The following PHYHIPL variants were observed in gnomAD, a reference collection of about 807,000 sequenced individuals.
PHYHIPL encodes phytanoyl-CoA hydroxylase-interacting protein-like.
In PHYHIPL, 9 loss-of-function variants were observed where a neutral mutation model predicts 33.4. The ratio of observed to expected loss-of-function variants is 0.27; its 90% CI spans 0.16 to 0.47. The LOEUF is 0.47. Among genes scored for constraint, PHYHIPL ranks in the 20% least tolerant of loss-of-function variants. The pLI, the probability that PHYHIPL is intolerant of heterozygous loss-of-function variation, is 0.99. For synonymous variants in PHYHIPL, 153 were observed against 154.1 expected (o/e 0.99, Z 0.05); for missense variants, 365 against 460.7 (o/e 0.79, Z 1.90).
chr10:59,234,478 A>C lies in PHYHIPL; in HGVS notation c.281A>C (p.Asn94Thr), dbSNP rs765372873. The C allele has an allele frequency of 6.4e-7, 1 of 1,551,468 alleles. No homozygotes were observed. Among genetic ancestry groups the C allele is most frequent in the Non-Finnish European group, 8.6e-7 (1 of 1,157,450 alleles). ...GACCTCAACAAGAAAGAGAACAAGA[A>C]CTCCAATAAATTTAAACACAAGGTA... ...FIDLNKKENK[N>T]SNKFKHKDVP... Residue 94 changes from asparagine to threonine, a missense_variant, in exon 2 of 5, where the codon AAC becomes ACC. Coordinates refer to ENST00000373880, the MANE Select transcript of PHYHIPL (RefSeq NM_032439.4).
chr10:59,175,845 T>C (rs1244564755), upstream of PHYHIPL, among the ~76,000 whole-genome samples: 3 of 152,206 alleles, frequency 2.0e-5, no homozygotes, highest in African/African-American at 4.8e-5. Context: ...AGGGTGAGCA[T>C]TGAATACTTA....
chr10:59,175,128 A>C (rs966788109), upstream of PHYHIPL, among the ~76,000 whole-genome samples: 1 of 152,222 alleles, frequency 6.6e-6, no homozygotes, highest in Non-Finnish European at 1.5e-5. Flanking sequence ...AAAATTCACC[A>C]GTAAGTACTT....
At chr10:59,210,186 A>G (rs1312294096) in intron 1 of PHYHIPL, among the ~76,000 whole-genome samples, 1 of 152,218 alleles carries the variant, frequency 6.6e-6, no homozygotes, top group Non-Finnish European at 1.5e-5. Flanking sequence ...TCCATCTGAC[A>G]AAGGGCTAAT....
At chr10:59,194,586 A>G (rs1402561652) in intron 1 of PHYHIPL, among the ~76,000 whole-genome samples, 1 of 152,212 alleles carries the variant, frequency 6.6e-6, no homozygotes, top group Non-Finnish European at 1.5e-5. Flanking sequence ...CTTAGAAAAC[A>G]CATTAATCAG....
intron 1 of PHYHIPL, among the ~76,000 whole-genome samples, chr10:59,227,907 G>A (rs1314986187): frequency 1.3e-5 from 2 of 150,668 alleles, no homozygotes; most frequent in African/African-American, 4.9e-5. Context: ...TGTAAAATGG[G>A]AGGTTTAGGT....
intron 1 of PHYHIPL, among the ~76,000 whole-genome samples, chr10:59,213,952 C>T (rs193165405): frequency 6.6e-6 from 1 of 152,216 alleles, no homozygotes; most frequent in East Asian, 1.9e-4. Context: ...CTCATTGACC[C>T]TTCTGCCACT....
chr10:59,212,762 C>T lies in PHYHIPL; in HGVS notation c.107-21542C>T, dbSNP rs570642743. 2.4e-4 allele frequency among the ~76,000 whole-genome samples: 36 copies of T among 152,216 alleles called. No homozygotes were observed. In the East Asian group the frequency reaches 6.6e-3, roughly 28 times the overall value. ...TAAATGTAATTTGTCTAAAGTTTTT[C>T]ATTTATCATTTCCATACAGGTAAAA... is the stretch of plus-strand genomic sequence containing the variant. On this transcript the variant is annotated intron_variant, in intron 1 of 4. Coordinates refer to ENST00000373880, the MANE Select transcript of PHYHIPL (RefSeq NM_032439.4).
chr10:59,205,435 T>G (rs1158143695), intron 1 of PHYHIPL, among the ~76,000 whole-genome samples: 2 of 152,314 alleles, frequency 1.3e-5, no homozygotes, highest in East Asian at 3.9e-4. Flanking sequence ...ATTTCCTAAT[T>G]GTTCACATTA....
At chr10:59,174,415 C>G (rs1166787212), upstream of PHYHIPL, among the ~76,000 whole-genome samples, 1 of 152,076 alleles carries the variant, frequency 6.6e-6, no homozygotes, top group Non-Finnish European at 1.5e-5. Flanking sequence ...CCAGGCCTAG[C>G]CTTGATATGT....
chr10:59,203,789 G>T (rs1268035816), intron 1 of PHYHIPL, among the ~76,000 whole-genome samples: 1 of 130,310 alleles, frequency 7.7e-6, no homozygotes, highest in African/African-American at 2.8e-5. Context: ...AGGGAGGAGG[G>T]ATAGCATTGG....
At chr10:59,229,550 T>A (rs1212223615) in intron 1 of PHYHIPL, among the ~76,000 whole-genome samples, 1 of 152,162 alleles carries the variant, frequency 6.6e-6, no homozygotes, top group Non-Finnish European at 1.5e-5. Flanking sequence ...AAGAAAAACC[T>A]CAGCCAAATT....
chr10:59,208,442 G>A (rs1306841332), intron 1 of PHYHIPL, among the ~76,000 whole-genome samples: 2 of 152,098 alleles, frequency 1.3e-5, no homozygotes, highest in African/African-American at 4.8e-5. Flanking sequence ...AAGGACCAAA[G>A]GTAGATAAAT....
upstream of PHYHIPL, among the ~76,000 whole-genome samples, chr10:59,176,240 A>G (rs1275104495): frequency 1.3e-5 from 2 of 152,174 alleles, no homozygotes; most frequent in East Asian, 3.9e-4. Flanking sequence ...TATTTTTCCA[A>G]TTCTTGGTAA....
chr10:59,231,940 G>C (rs1003087519), intron 1 of PHYHIPL, among the ~76,000 whole-genome samples: 1 of 151,826 alleles, frequency 6.6e-6, no homozygotes, highest in South Asian at 2.1e-4. Flanking sequence ...CTCCACCTTG[G>C]GGGGAAAAGT....
At chr10:59,181,499 A>G (rs1838411541) in intron 1 of PHYHIPL, among the ~76,000 whole-genome samples, 1 of 152,022 alleles carries the variant, frequency 6.6e-6, no homozygotes, top group South Asian at 2.1e-4. Context: ...TCTAGTTCAA[A>G]TCTGTCATTT....
intron 1 of PHYHIPL, among the ~76,000 whole-genome samples, chr10:59,210,494 C>T (rs2133237194): frequency 6.6e-6 from 1 of 152,268 alleles, no homozygotes; most frequent in African/African-American, 2.4e-5. Flanking sequence ...TAAATTAGTT[C>T]AACCATTGTG....
chr10:59,218,307 T>C (rs1343465774), intron 1 of PHYHIPL, among the ~76,000 whole-genome samples: 1 of 152,188 alleles, frequency 6.6e-6, no homozygotes, highest in African/African-American at 2.4e-5. Flanking sequence ...ATTATCTTCC[T>C]GATCAATTCA....
chr10:59,183,270 A>G lies in PHYHIPL; in HGVS notation c.106+6311A>G, dbSNP rs115919064. On this transcript the variant is annotated intron_variant, in intron 1 of 4. Transcript: ENST00000373880. ...ATTGTGAAATAGTGATTTTTGAGCTATCTCCGTAAAGAGATTGTTGAATCT... is the reference window on the plus strand; with the variant it reads ...ATTGTGAAATAGTGATTTTTGAGCTGTCTCCGTAAAGAGATTGTTGAATCT... 2.4e-3 allele frequency among the ~76,000 whole-genome samples: 367 copies of G among 152,304 alleles called. 2 individuals are homozygous for G. Among genetic ancestry groups the G allele is most frequent in the African/African-American group, 8.2e-3 (342 of 41,578 alleles).
chr10:59,211,690 A>AAAAAAG (rs1839450130), intron 1 of PHYHIPL, among the ~76,000 whole-genome samples: 1 of 143,916 alleles, frequency 6.9e-6, no homozygotes, highest in African/African-American at 2.6e-5. Context: ...AAAAAAAAAA[A>AAAAAAG]GGTATTACAA....
Sources: gnomAD v4.1 joint callset for allele counts (sites outside exome capture counted in the v4.1 genomes callset) on GRCh38, gnomAD v4.1.1 for gene constraint, MANE v1.5 for transcripts, NCBI Gene and HGNC (gene_info 2026-07-23, HGNC 2026-07-21) for gene names.